Variants in RGS5 observed in about 807,000 individuals in gnomAD.
The protein encoded by RGS5 is regulator of G protein signaling 5.
Under a neutral mutation model 18.9 loss-of-function variants are expected in RGS5, and 20 were observed. That is an observed-to-expected ratio of 1.06 (90% CI 0.74 to 1.54). RGS5 has a LOEUF of 1.54. RGS5 is among the 40% of genes most tolerant of loss of function. The pLI, the probability that RGS5 is intolerant of heterozygous loss-of-function variation, is 0.00. For synonymous variants in RGS5, 57 were observed against 76.2 expected (o/e 0.75, Z 1.31); for missense variants, 201 against 211.8 (o/e 0.95, Z 0.32).
chr1:163,194,013 C>T (rs182375140), intron 1 of RGS5, among the ~76,000 whole-genome samples: 157 of 152,232 alleles, frequency 1.0e-3, no homozygotes, highest in African/African-American at 3.7e-3. Context: ...TGACATTATA[C>T]ACTTGAAGAG....
At chr1:163,244,383 T>C (rs1647875847) in intron 2 of RGS5, 1 of 152,224 alleles carries the variant, frequency 6.6e-6, no homozygotes, top group Admixed American at 6.5e-5. Context: ...ATGCTACTCC[T>C]GCTCAGGAAT....
intron 2 of RGS5, among the ~76,000 whole-genome samples, chr1:163,268,088 C>T (rs535055823): frequency 2.0e-5 from 3 of 152,070 alleles, no homozygotes; most frequent in African/African-American, 7.2e-5. Flanking sequence ...ATAACTCAAA[C>T]ATTTTATCTG....
rs145821737 is a variant in RGS5 at position 163,242,151 on chromosome 1, G to A, written c.-281+64082C>T. Reference sequence around the variant, plus strand: ...TGTCTTATAGATGAGATCTATAAAAGTTTTGACGTAAACATCTGAGTTAGT... The same window carrying A: ...TGTCTTATAGATGAGATCTATAAAAATTTTGACGTAAACATCTGAGTTAGT... On this transcript the variant is annotated intron_variant, in intron 2 of 5. Transcript: ENST00000618415. Among the ~76,000 whole-genome samples the A allele has an allele frequency of 3.5e-3, 538 of 152,248 alleles. 2 individuals are homozygous for A. Among genetic ancestry groups the A allele is most frequent in the Non-Finnish European group, 6.2e-3 (424 of 68,028 alleles).
intron 2 of RGS5, among the ~76,000 whole-genome samples, chr1:163,165,644 G>A (rs956587724): frequency 2.0e-5 from 3 of 152,268 alleles, no homozygotes; most frequent in Middle Eastern, 3.4e-3. Context: ...GGTGGCTCAC[G>A]CCTGTAATCC....
At chr1:163,289,158 C>T (rs1340989605) in intron 2 of RGS5, among the ~76,000 whole-genome samples, 1 of 152,026 alleles carries the variant, frequency 6.6e-6, no homozygotes, top group Non-Finnish European at 1.5e-5. Flanking sequence ...AACCCAAGTG[C>T]CTGTCAATGT....
At chr1:163,246,759 T>C (rs759235152) in intron 2 of RGS5, among the ~76,000 whole-genome samples, 2 of 152,200 alleles carry the variant, frequency 1.3e-5, no homozygotes, top group Non-Finnish European at 2.9e-5. Flanking sequence ...CTGGAATTTA[T>C]TGGAATGATA....
At chr1:163,260,155 A>G (rs1389812687) in intron 2 of RGS5, 3 of 152,232 alleles carry the variant, frequency 2.0e-5, no homozygotes, top group Non-Finnish European at 1.5e-5. Flanking sequence ...ATAACACTGC[A>G]TGAGCCTTGA....
chr1:163,288,057 A>AT (rs904058201), intron 2 of RGS5, among the ~76,000 whole-genome samples: 6 of 151,834 alleles, frequency 4.0e-5, no homozygotes, highest in African/African-American at 9.7e-5. Context: ...AAACGTATTA[A>AT]TTTTTTTTCT....
intron 1 of RGS5, among the ~76,000 whole-genome samples, chr1:163,179,164 C>T (rs1658697662): frequency 6.6e-6 from 1 of 152,160 alleles, no homozygotes; most frequent in Non-Finnish European, 1.5e-5. Flanking sequence ...CAAAACTAAA[C>T]TCTTGTTTTC....
chr1:163,202,382 A>G lies in RGS5; in HGVS notation c.44+410T>C, dbSNP rs141708863. Among the ~76,000 whole-genome samples, 12 of 152,316 alleles carry G rather than the reference A, an allele frequency of 7.9e-5. No homozygotes were observed. In the East Asian group the frequency reaches 2.3e-3, roughly 29 times the overall value. On this transcript the variant is annotated intron_variant, in intron 1 of 4. Coordinates refer to ENST00000313961, the MANE Select transcript of RGS5 (RefSeq NM_003617.4). ...GGTATCTCCATTTTACAGATAAGGAAACTGAGCTACATAGAGGTTAAATAA... is the reference window on the plus strand; with the variant it reads ...GGTATCTCCATTTTACAGATAAGGAGACTGAGCTACATAGAGGTTAAATAA...
chr1:163,259,040 C>T (rs1432043216), intron 2 of RGS5, among the ~76,000 whole-genome samples: 3 of 151,964 alleles, frequency 2.0e-5, no homozygotes, highest in Non-Finnish European at 4.4e-5. Context: ...CCAAGGTGTT[C>T]CATGTATATA....
intron 3 of RGS5, among the ~76,000 whole-genome samples, chr1:163,159,175 A>G (rs537756437): frequency 6.6e-6 from 1 of 152,296 alleles, no homozygotes; most frequent in South Asian, 2.1e-4. Context: ...GTTCAAACAC[A>G]CATGCTCTAC....
intron 2 of RGS5, among the ~76,000 whole-genome samples, chr1:163,292,165 C>T (rs1322755569): frequency 6.6e-6 from 1 of 152,148 alleles, no homozygotes; most frequent in Non-Finnish European, 1.5e-5. Context: ...TCTTCTCTCT[C>T]TTCTACCCCC....
At chr1:163,184,267 T>C (rs933202641) in intron 1 of RGS5, among the ~76,000 whole-genome samples, 1 of 152,104 alleles carries the variant, frequency 6.6e-6, no homozygotes, top group African/African-American at 2.4e-5. Flanking sequence ...TAATTTTATG[T>C]ACTTCAAATG....
intron 2 of RGS5, among the ~76,000 whole-genome samples, chr1:163,236,379 G>GA (rs34229168): frequency 1.7e-4 from 25 of 149,196 alleles, no homozygotes; most frequent in South Asian, 6.4e-4. Flanking sequence ...GAGTGAATTA[G>GA]AAAAAAAAAA....
Position 163,190,728 on chromosome 1 carries a change from G to A in RGS5, c.44+12064C>T, listed in dbSNP as rs116466302. Among the ~76,000 whole-genome samples the A allele has an allele frequency of 1.0e-3, 152 of 152,344 alleles. 1 individual carries two copies. Among genetic ancestry groups the A allele is most frequent in the African/African-American group, 3.6e-3 (149 of 41,580 alleles). On this transcript the variant is annotated intron_variant, in intron 1 of 4. Coordinates refer to ENST00000313961, the MANE Select transcript of RGS5 (RefSeq NM_003617.4). ...AGATAAAAACAGGTGAGCCCAGTGGGCTGAATTGCATGTTGTTTTCCTAGC... is the reference window on the plus strand; with the variant it reads ...AGATAAAAACAGGTGAGCCCAGTGGACTGAATTGCATGTTGTTTTCCTAGC...
chr1:163,222,901 C>T (rs1647258254), intron 2 of RGS5, among the ~76,000 whole-genome samples: 1 of 152,026 alleles, frequency 6.6e-6, no homozygotes, highest in Admixed American at 6.6e-5. Flanking sequence ...ACTCTGTCAC[C>T]CAGGCTGGAG....
chr1:163,216,255 A>G (rs1030853067), intron 1 of RGS5, among the ~76,000 whole-genome samples: 3 of 152,150 alleles, frequency 2.0e-5, no homozygotes, highest in African/African-American at 7.2e-5. Context: ...GGGGCCAGGG[A>G]GGATTTGCTA....
At chr1:163,168,490 T>C (rs1658158324) in intron 1 of RGS5, 122 bp from the exon 2 acceptor site, 1 of 710,498 alleles carries the variant, frequency 1.4e-6, no homozygotes, top group Non-Finnish European at 2.4e-6. Flanking sequence ...TTTATTTTTC[T>C]TGTGGCAGAA....
Sources: allele counts gnomAD v4.1 joint callset (sites outside exome capture counted in the v4.1 genomes callset), GRCh38; gene constraint gnomAD v4.1.1; transcripts MANE v1.5; gene names NCBI Gene and HGNC (gene_info 2026-07-23, HGNC 2026-07-21).